ABCC4: variants seen among roughly 807,000 people sequenced by gnomAD.
ABCC4 encodes ATP-binding cassette sub-family C member 4.
In ABCC4, 102 loss-of-function variants were observed where a neutral mutation model predicts 168.5. The observed-to-expected ratio is 0.61, with a 90% CI of 0.52 to 0.71. The LOEUF (loss-of-function observed/expected upper bound fraction) is 0.71. ABCC4 is among the 30% of genes least tolerant of loss of function. ABCC4 has a pLI of 0.00. For synonymous variants in ABCC4, 617 were observed against 590.7 expected, an observed-to-expected ratio of 1.04 and a Z score of -0.65; for missense variants, 1,402 against 1,605.8, an observed-to-expected ratio of 0.87 and a Z score of 2.17.
chr13:95,199,651 C>G (rs1403712493), intron 8 of ABCC4, among the ~76,000 whole-genome samples: 3 of 152,144 alleles, frequency 2.0e-5, no homozygotes, highest in Admixed American at 1.3e-4. Context: ...CTATCCAAGG[C>G]TGTCTACTTG....
At chr13:95,187,044 A>G (rs1443163308) in intron 10 of ABCC4, 152 bp from the exon 11 acceptor site, 2 of 605,182 alleles carry the variant, frequency 3.3e-6, no homozygotes, top group Non-Finnish European at 5.4e-6. Flanking sequence ...ATTGGAAATA[A>G]CATAATGGTC....
chr13:95,221,150 T>C (rs2039300244), intron 4 of ABCC4, among the ~76,000 whole-genome samples: 1 of 152,208 alleles, frequency 6.6e-6, no homozygotes, highest in Non-Finnish European at 1.5e-5. Flanking sequence ...ATCAGATTAT[T>C]ACAGACAGAA....
chr13:95,268,523 C>A (rs1408726832), intron 1 of ABCC4, among the ~76,000 whole-genome samples: 2 of 62,520 alleles, frequency 3.2e-5, no homozygotes, highest in Admixed American at 1.4e-4. Flanking sequence ...TCCTGCTCGT[C>A]CCTTGGCCCT....
At chr13:95,291,016 A>AACC (rs2041391672) in intron 1 of ABCC4, among the ~76,000 whole-genome samples, 1 of 150,906 alleles carries the variant, frequency 6.6e-6, no homozygotes, top group Non-Finnish European at 1.5e-5. Flanking sequence ...AAAAAGAGGA[A>AACC]ACCATGCCAA....
chr13:95,114,763 T>C (rs2035316167), intron 20 of ABCC4, among the ~76,000 whole-genome samples: 1 of 152,206 alleles, frequency 6.6e-6, no homozygotes, highest in African/African-American at 2.4e-5. Flanking sequence ...ATGACTGATT[T>C]TTCTTACATA....
At chr13:95,068,234 AATAT>A (rs1302832269) in intron 25 of ABCC4, among the ~76,000 whole-genome samples, 1 of 152,198 alleles carries the variant, frequency 6.6e-6, no homozygotes, top group African/African-American at 2.4e-5. Flanking sequence ...ACGAACCCTG[AATAT>A]ACACACAAAA....
intron 20 of ABCC4, among the ~76,000 whole-genome samples, chr13:95,113,203 C>T (rs773719660): frequency 4.6e-5 from 7 of 152,166 alleles, no homozygotes; most frequent in African/African-American, 1.7e-4. Context: ...TCCTTCCCCC[C>T]TAAAAGATCA....
chr13:95,204,209 G>T (rs1468546413), intron 8 of ABCC4, among the ~76,000 whole-genome samples: 3 of 152,112 alleles, frequency 2.0e-5, no homozygotes, highest in African/African-American at 7.2e-5. Flanking sequence ...TACACCTAGG[G>T]TTCAAAAATA....
rs141730339 is a variant in ABCC4, at chr13:95,186,198, C to T, written c.1545+503G>A. Among the ~76,000 whole-genome samples, 384 of 150,640 alleles carry T rather than the reference C, an allele frequency of 2.5e-3. 2 individuals carry two copies. Among genetic ancestry groups the T allele is most frequent in the Non-Finnish European group, 4.6e-3 (311 of 67,944 alleles). ...GATGTAATTTTTTTTCAAAAGTGTT[C>T]TTATCTTCTAGAGATAAGTAATAAG... is the stretch of plus-strand genomic sequence containing the variant. On this transcript the variant is annotated intron_variant, in intron 11 of 30. Coordinates refer to ENST00000645237, the MANE Select transcript of ABCC4 (RefSeq NM_005845.5).
chr13:95,084,938 A>G (rs1189434), intron 20 of ABCC4, among the ~76,000 whole-genome samples: 142,319 of 152,302 alleles, frequency 0.93, 66,609 homozygotes, highest in Non-Finnish European at 0.96. Context: ...ATTAGGAAAC[A>G]TGTGATATCA....
intron 29 of ABCC4, 50 bp from the exon 30 acceptor site, chr13:95,034,789 CATATT>C: frequency 3.7e-6 from 6 of 1,611,570 alleles, no homozygotes; most frequent in Non-Finnish European, 5.1e-6. Flanking sequence ...TTTGCAGTAA[CATATT>C]ATAACAGAGA....
In ABCC4 at chr13:95,153,225, T is replaced by G. The variant is rs190165709; in HGVS notation, c.2455+7964A>C. On this transcript the variant is annotated intron_variant, in intron 19 of 30. Coordinates refer to ENST00000645237, the MANE Select transcript of ABCC4 (RefSeq NM_005845.5). ...TTGATCTAACAGTGGGGGACAGTTTTAAATGACAATACTTGAATTACTATT... is the reference window on the plus strand; with the variant it reads ...TTGATCTAACAGTGGGGGACAGTTTGAAATGACAATACTTGAATTACTATT... Among the ~76,000 whole-genome samples the G allele has an allele frequency of 3.4e-3, 524 of 152,318 alleles. 6 individuals are homozygous for G. The highest frequency in any genetic ancestry group is 1.2e-3 in the Non-Finnish European group (83 of 68,018).
chr13:95,249,794 C>T (rs907624077), intron 1 of ABCC4, among the ~76,000 whole-genome samples: 1 of 151,992 alleles, frequency 6.6e-6, no homozygotes, highest in Non-Finnish European at 1.5e-5. Flanking sequence ...TTTTTTTAAT[C>T]AGGGAATAAA....
chr13:95,185,918 G>A (rs2038043584), intron 11 of ABCC4, among the ~76,000 whole-genome samples: 1 of 151,920 alleles, frequency 6.6e-6, no homozygotes, highest in African/African-American at 2.4e-5. Context: ...AAATTGCACT[G>A]TAAATTTATC....
Position 95,163,104 on chromosome 13 carries a change from C to T in ABCC4, c.2308+18G>A. 6.3e-7 allele frequency: 1 copy of T among 1,576,958 alleles called. No homozygotes were observed. The highest frequency in any genetic ancestry group is 8.7e-7 in the Non-Finnish European group (1 of 1,146,808). Reference sequence around the variant, plus strand: ...CACCTCAGCCTCTCATACAATACACCAAATGATTAAACTTTACCTGAATAA... The same window carrying T: ...CACCTCAGCCTCTCATACAATACACTAAATGATTAAACTTTACCTGAATAA... On this transcript the variant is annotated intron_variant, in intron 18 of 30. Coordinates refer to ENST00000645237, the MANE Select transcript of ABCC4 (RefSeq NM_005845.5).
chr13:95,235,180 G>A (rs947790165), intron 3 of ABCC4, among the ~76,000 whole-genome samples: 2 of 151,918 alleles, frequency 1.3e-5, no homozygotes, highest in African/African-American at 2.4e-5. Context: ...TGTGAGCCAC[G>A]GCACCTAGGC....
chr13:95,022,385 A>G (rs902550669), intron 30 of ABCC4, among the ~76,000 whole-genome samples: 4 of 152,200 alleles, frequency 2.6e-5, no homozygotes, highest in African/African-American at 9.7e-5. Flanking sequence ...ACTAGAAGAG[A>G]TACAGGTTTT....
At chr13:95,155,794 C>T (rs1594196312) in intron 19 of ABCC4, among the ~76,000 whole-genome samples, 3 of 152,082 alleles carry the variant, frequency 2.0e-5, no homozygotes, top group East Asian at 3.9e-4. Flanking sequence ...AAATTGAAAG[C>T]AAGTAAACAT....
intron 19 of ABCC4, among the ~76,000 whole-genome samples, chr13:95,132,566 C>A (rs1471574013): frequency 6.6e-6 from 1 of 152,062 alleles, no homozygotes; most frequent in African/African-American, 2.4e-5. Context: ...TGCCTAAATA[C>A]AATGTAAGTG....
Sources: allele counts gnomAD v4.1 joint callset (sites outside exome capture counted in the v4.1 genomes callset), GRCh38; gene constraint gnomAD v4.1.1; transcripts MANE v1.5; gene names NCBI Gene and HGNC (gene_info 2026-07-23, HGNC 2026-07-21).